Variants in DTNB observed in about 807,000 individuals in gnomAD.
The protein encoded by DTNB is dystrobrevin beta.
Under a neutral mutation model 90.7 loss-of-function variants are expected in DTNB, and 63 were observed. That is an observed-to-expected ratio of 0.69 (90% confidence interval 0.57 to 0.86). DTNB has a LOEUF of 0.86. Among genes scored for constraint, DTNB ranks in the 40% least tolerant of loss-of-function variants. DTNB has a pLI of 0.00. For synonymous variants in DTNB, 277 were observed against 286.7 expected (o/e 0.97, Z 0.34); for missense variants, 744 against 807.1 (o/e 0.92, Z 0.95).
chr2:25,567,456 T>A (rs2059213860), intron 8 of DTNB, among the ~76,000 whole-genome samples: 1 of 152,236 alleles, frequency 6.6e-6, no homozygotes, highest in Non-Finnish European at 1.5e-5. Flanking sequence ...ACAACTATGC[T>A]GCACATATAT....
At chr2:25,632,674 C>T (rs1383773124) in intron 3 of DTNB, among the ~76,000 whole-genome samples, 1 of 152,188 alleles carries the variant, frequency 6.6e-6, no homozygotes, top group Non-Finnish European at 1.5e-5. Flanking sequence ...TGCAGAGAGT[C>T]CCCAGCAGCA....
chr2:25,669,607 C>T (rs761659748), intron 1 of DTNB, among the ~76,000 whole-genome samples: 1 of 152,136 alleles, frequency 6.6e-6, no homozygotes, highest in African/African-American at 2.4e-5. Flanking sequence ...GATGCATTTG[C>T]AACACACAGA....
chr2:25,665,397 C>T (rs565539447), intron 1 of DTNB, among the ~76,000 whole-genome samples: 6 of 152,136 alleles, frequency 3.9e-5, no homozygotes, highest in African/African-American at 1.2e-4. Flanking sequence ...GAGGCTGAGG[C>T]GGGTGGATCA....
At chr2:25,418,369 ATTCCT>A (rs1332119859) in intron 16 of DTNB, among the ~76,000 whole-genome samples, 12 of 152,254 alleles carry the variant, frequency 7.9e-5, no homozygotes, top group Admixed American at 5.2e-4. Flanking sequence ...AATGTTTTAT[ATTCCT>A]AACCTAAAAC....
intron 16 of DTNB, among the ~76,000 whole-genome samples, chr2:25,404,866 AAAT>A (rs2044677452): frequency 6.6e-6 from 1 of 152,206 alleles, no homozygotes; most frequent in South Asian, 2.1e-4. Context: ...AAAAACTAAA[AAAT>A]AATAGGCCAC....
chr2:25,390,378 CA>C (rs2040759300), intron 16 of DTNB, among the ~76,000 whole-genome samples: 2 of 151,746 alleles, frequency 1.3e-5, no homozygotes, highest in Admixed American at 6.6e-5. Context: ...TATGTAAAAA[CA>C]AAACCAAACA....
At chr2:25,540,191 T>C (rs896882384) in intron 8 of DTNB, among the ~76,000 whole-genome samples, 1 of 152,178 alleles carries the variant, frequency 6.6e-6, no homozygotes, top group Admixed American at 6.5e-5. Flanking sequence ...AAAAATCCTG[T>C]TGGGATTTTC....
intron 9 of DTNB, among the ~76,000 whole-genome samples, chr2:25,503,053 CAAAAAAAAAAAAAAAAAA>C (rs58871909): frequency 1.5e-3 from 23 of 15,356 alleles, no homozygotes; most frequent in South Asian, 3.5e-3. Flanking sequence ...GACCCTATCT[CAAAAAAAAAAAAAAAAAA>C]AAAAAAAAAA....
At chr2:25,672,959 C>A in intron 1 of DTNB, 1 of 153,662 alleles carries the variant, frequency 6.5e-6, no homozygotes, top group Non-Finnish European at 1.4e-5. Context: ...AATAAATACC[C>A]TTCCCTCTGC....
At chr2:25,383,437 T>A (rs1458362132) in intron 19 of DTNB, among the ~76,000 whole-genome samples, 2 of 152,120 alleles carry the variant, frequency 1.3e-5, no homozygotes, top group African/African-American at 4.8e-5. Flanking sequence ...AGCCTGCTGG[T>A]CTTGAACTCC....
intron 8 of DTNB, among the ~76,000 whole-genome samples, chr2:25,556,172 T>C (rs934324587): frequency 1.5e-4 from 21 of 141,232 alleles, no homozygotes; most frequent in East Asian, 2.1e-4. Context: ...CCATCTCTCT[T>C]TTTTTTTTTT....
intron 9 of DTNB, 61 bp downstream of exon 9, chr2:25,531,412 A>C: frequency 9.6e-6 from 15 of 1,563,308 alleles, no homozygotes; most frequent in Non-Finnish European, 1.3e-5. Flanking sequence ...TTTGATCCAC[A>C]GGAATTTCAC....
intron 15 of DTNB, among the ~76,000 whole-genome samples, 197 bp from the exon 16 acceptor site, chr2:25,419,732 C>T (rs949628006): frequency 3.3e-5 from 5 of 152,030 alleles, no homozygotes; most frequent in African/African-American, 1.2e-4. Flanking sequence ...AGGCCTCGGC[C>T]CGGTGAGTGA....
rs2077084458 is a variant in DTNB, at chr2:25,636,157, GT to G, written c.148+2856del. Among the ~76,000 whole-genome samples the G allele has an allele frequency of 2.0e-5, 3 of 152,072 alleles. No homozygotes were observed. In the South Asian group the frequency reaches 6.2e-4, roughly 32 times the overall value. On this transcript the variant is annotated intron_variant, in intron 3 of 20. Transcript: ENST00000406818. ...ACTGAAAATACATATGGAAAAACTT[GT>G]ACAGATTCATGAATATATTCATATT...
chr2:25,583,607 C>A (rs1022671003), intron 6 of DTNB, among the ~76,000 whole-genome samples: 1 of 151,794 alleles, frequency 6.6e-6, no homozygotes, highest in Non-Finnish European at 1.5e-5. Context: ...CTGCAACCTC[C>A]GACTCCCTGG....
intron 8 of DTNB, among the ~76,000 whole-genome samples, chr2:25,536,285 C>A (rs2079733415): frequency 6.6e-6 from 1 of 152,228 alleles, no homozygotes; most frequent in Non-Finnish European, 1.5e-5. Context: ...AGATGCTGCT[C>A]ACTTCCTACA....
intron 18 of DTNB, among the ~76,000 whole-genome samples, chr2:25,384,572 G>A (rs567539756): frequency 8.3e-4 from 127 of 152,298 alleles, no homozygotes; most frequent in Middle Eastern, 3.4e-3. Context: ...ACCATGTCAC[G>A]TTTGGAAAGG....
chr2:25,572,802 C>T (rs2060085322), intron 8 of DTNB, among the ~76,000 whole-genome samples: 1 of 152,096 alleles, frequency 6.6e-6, no homozygotes, highest in South Asian at 2.1e-4. Context: ...ATTCCATGTG[C>T]CAGTAACCAC....
chr2:25,589,420 G>C (rs376033879), intron 6 of DTNB, among the ~76,000 whole-genome samples: 143 of 110,282 alleles, frequency 1.3e-3, no homozygotes, highest in African/African-American at 4.7e-3. Flanking sequence ...TCACTCTGTC[G>C]CCCAGGCTGG....
Sources: gnomAD v4.1 joint callset for allele counts (sites outside exome capture counted in the v4.1 genomes callset) on GRCh38, gnomAD v4.1.1 for gene constraint, MANE v1.5 for transcripts, NCBI Gene and HGNC (gene_info 2026-07-23, HGNC 2026-07-21) for gene names.